Variants in ZNRF3 observed in about 807,000 individuals in gnomAD.
The protein encoded by ZNRF3 is zinc and ring finger 3.
Under a neutral mutation model 72.5 loss-of-function variants are expected in ZNRF3, and 23 were observed. That is an observed-to-expected ratio of 0.32 (90% CI 0.23 to 0.45). ZNRF3 has a LOEUF of 0.45. Ranked by LOEUF, ZNRF3 falls within the 20% of genes least tolerant of loss-of-function variation. The pLI, the probability that ZNRF3 is intolerant of heterozygous loss-of-function variation, is 1.00. For synonymous variants in ZNRF3, 610 were observed against 545.3 expected (o/e 1.12, Z -1.65); for missense variants, 1,169 against 1,272.1 (o/e 0.92, Z 1.23).
intron 2 of ZNRF3, 25 bp downstream of exon 2, chr22:28,987,226 CT>C (rs773947138): frequency 6.3e-7 from 1 of 1,595,678 alleles, no homozygotes; most frequent in East Asian, 2.2e-5. Context: ...CTTGGAATCA[CT>C]GTGTTTCTGG....
chr22:29,001,196 G>A (rs1390921399), intron 2 of ZNRF3, among the ~76,000 whole-genome samples: 1 of 148,704 alleles, frequency 6.7e-6, no homozygotes, highest in Non-Finnish European at 1.5e-5. Context: ...AGCCTCCCGA[G>A]TAGCTGGGAC....
At chr22:29,021,814 T>A (rs2036546604) in intron 2 of ZNRF3, among the ~76,000 whole-genome samples, 1 of 152,092 alleles carries the variant, frequency 6.6e-6, no homozygotes, top group Non-Finnish European at 1.5e-5. Context: ...TGAAGTATAA[T>A]AGACATGTGA....
rs545143660 is a variant in ZNRF3, at chr22:29,044,854, C to G, written c.708C>G (p.Leu236=). The G allele has an allele frequency of 6.2e-7, 1 of 1,614,108 alleles. No individual in the cohort carries two copies. The highest frequency in any genetic ancestry group is 1.1e-5 in the South Asian group (1 of 91,074). Residue 236 remains leucine (L), a synonymous_variant, in exon 5 of 9, where the codon CTC becomes CTG. Transcript: ENST00000544604. The part of the protein sequence containing the change: ...FVVVSLVCLI[L]LVKIKLKQRR... ...TGGTCTCCTTGGTCTGCCTCATCCT[C>G]CTTGTCAAAATCAAGCTGAAGCAGC...
Position 29,056,816 on chromosome 22 carries a change from C to T in ZNRF3, c.*3194C>T, listed in dbSNP as rs1202818113. The T allele has an allele frequency of 6.6e-6, 1 of 152,236 alleles. No individual in the cohort carries two copies. Among genetic ancestry groups the T allele is most frequent in the Non-Finnish European group, 1.5e-5 (1 of 68,054 alleles). 9.4% of individuals were successfully genotyped at this position (152,236 alleles called of 1,614,324 possible). A position where few individuals can be genotyped will look rare whatever the true frequency, so the allele number is the denominator to read the frequency against. ...AGTAAGCTGGCTTTAACTCTCAGCT[C>T]CTTCCCTGTCTCCTCCTAATCCAAG... On this transcript the variant is annotated 3_prime_UTR_variant, in exon 9 of 9. Transcript: ENST00000544604.
At chr22:29,005,810 C>T (rs914988458) in intron 2 of ZNRF3, among the ~76,000 whole-genome samples, 2 of 152,120 alleles carry the variant, frequency 1.3e-5, no homozygotes, top group East Asian at 1.9e-4. Flanking sequence ...GCGAGGTGGG[C>T]GGATCACCTG....
At chr22:28,908,023 A>C (rs935810048) in intron 1 of ZNRF3, among the ~76,000 whole-genome samples, 2 of 152,210 alleles carry the variant, frequency 1.3e-5, no homozygotes, top group African/African-American at 4.8e-5. Flanking sequence ...GATCATGAAA[A>C]TAATGTTAAT....
At chr22:28,926,255 C>T (rs977930638) in intron 1 of ZNRF3, among the ~76,000 whole-genome samples, 1 of 152,182 alleles carries the variant, frequency 6.6e-6, no homozygotes, top group African/African-American at 2.4e-5. Flanking sequence ...GGTGCTGCTG[C>T]AGAGCATGGA....
chr22:28,987,147 G>A lies in ZNRF3; in HGVS notation c.372G>A (p.Val124=), dbSNP rs2035868916. ...ATGAATATGGCTGGGTAGGAGTGGTGAAGCTGGAACAGCCAGAATTGGACC... is the reference window on the plus strand; with the variant it reads ...ATGAATATGGCTGGGTAGGAGTGGTAAAGCTGGAACAGCCAGAATTGGACC... The part of the protein sequence containing the change: ...DLYEYGWVGV[V]KLEQPELDPK... The change falls in exon 2 of 9, where the codon GTG becomes GTA. Residue 124 remains valine (V), a synonymous_variant. Transcript: ENST00000544604. The A allele has an allele frequency of 6.2e-7, 1 of 1,614,000 alleles. No individual in the cohort carries two copies. The highest frequency in any genetic ancestry group is 8.5e-7 in the Non-Finnish European group (1 of 1,179,966).
intron 2 of ZNRF3, among the ~76,000 whole-genome samples, chr22:29,001,360 C>T (rs1014584535): frequency 1.3e-5 from 2 of 151,814 alleles, no homozygotes; most frequent in Admixed American, 1.3e-4. Flanking sequence ...GAGTTCTTTA[C>T]TCTAGACATA....
chr22:28,914,722 G>A (rs2034380110), intron 1 of ZNRF3, among the ~76,000 whole-genome samples: 1 of 151,552 alleles, frequency 6.6e-6, no homozygotes, highest in African/African-American at 2.4e-5. Context: ...GCTGAGGCAG[G>A]AGAATTGCTT....
intron 2 of ZNRF3, chr22:29,031,592 A>G (rs1212494776): frequency 1.0e-6 from 1 of 985,510 alleles, no homozygotes; most frequent in Non-Finnish European, 1.2e-6. Flanking sequence ...GGTCACTACT[A>G]AGTGAAGAAC....
intron 2 of ZNRF3, among the ~76,000 whole-genome samples, chr22:29,020,812 T>TGTGTGTGTG (rs2036525593): frequency 2.7e-5 from 4 of 147,928 alleles, no homozygotes; most frequent in African/African-American, 1.0e-4. Flanking sequence ...TGTGTGTGTG[T>TGTGTGTGTG]TTGAGACAGA....
chr22:29,046,591 A>C, intron 5 of ZNRF3, 125 bp from the exon 6 acceptor site: 1 of 1,118,956 alleles, frequency 8.9e-7, no homozygotes, highest in East Asian at 2.7e-5. Flanking sequence ...GCGACTTCTC[A>C]GAAGTCTGTT....
chr22:28,981,471 T>C (rs2123822922), intron 1 of ZNRF3, among the ~76,000 whole-genome samples: 1 of 152,286 alleles, frequency 6.6e-6, no homozygotes, highest in Non-Finnish European at 1.5e-5. Flanking sequence ...ATTATAGGTG[T>C]GTGTCACTAT....
intron 1 of ZNRF3, 108 bp from the exon 2 acceptor site, chr22:28,986,968 T>G: frequency 6.9e-7 from 1 of 1,457,168 alleles, no homozygotes; most frequent in Admixed American, 2.4e-5. Flanking sequence ...CTCTTAAAAT[T>G]TTAAGTTTTG....
chr22:29,049,616 T>C lies in ZNRF3; in HGVS notation c.1435T>C (p.Tyr479His), dbSNP rs780761757. ...YQHYYFQGLS[Y>H]PEQEGQSPPS... is the part of the protein sequence containing the mutation. Reference sequence around the variant, plus strand: ...GCACTACTACTTCCAGGGCCTCAGCTACCCGGAGCAGGAGGGGCAGTCCCC... The same window carrying C: ...GCACTACTACTTCCAGGGCCTCAGCCACCCGGAGCAGGAGGGGCAGTCCCC... Residue 479 changes from tyrosine (Y) to histidine (H), a missense_variant, in exon 8 of 9, where the codon TAC (tyrosine) becomes CAC (histidine). Transcript: ENST00000544604. The surrounding 1 kb of genome is among the most constrained non-coding windows in gnomAD (Gnocchi z 5.2). 1.2e-5 allele frequency: 19 copies of C among 1,610,644 alleles called. No individual in the cohort carries two copies. Among genetic ancestry groups the C allele is most frequent in the Non-Finnish European group, 1.6e-5 (19 of 1,179,406 alleles).
intron 2 of ZNRF3, among the ~76,000 whole-genome samples, chr22:29,007,336 A>G (rs1294986835): frequency 1.3e-5 from 2 of 152,226 alleles, no homozygotes; most frequent in Non-Finnish European, 2.9e-5. Context: ...AAAACGTCCC[A>G]CTGAAATTAT....
intron 1 of ZNRF3, among the ~76,000 whole-genome samples, chr22:28,907,705 C>A (rs2034237867): frequency 6.6e-6 from 1 of 152,222 alleles, no homozygotes; most frequent in African/African-American, 2.4e-5. Flanking sequence ...ATTCTCCACA[C>A]CCCTGTACCC....
At chr22:29,000,896 C>G (rs1272134584) in intron 2 of ZNRF3, among the ~76,000 whole-genome samples, 1 of 152,042 alleles carries the variant, frequency 6.6e-6, no homozygotes, top group Non-Finnish European at 1.5e-5. Flanking sequence ...TCAGGCGATC[C>G]TCCCACCTCA....
Sources: allele counts gnomAD v4.1 joint callset (sites outside exome capture counted in the v4.1 genomes callset), GRCh38; gene constraint gnomAD v4.1.1; non-coding constraint Gnocchi (gnomAD v3.1); transcripts MANE v1.5; gene names NCBI Gene and HGNC (gene_info 2026-07-23, HGNC 2026-07-21).